LRP1B: variants seen among roughly 807,000 people sequenced by gnomAD.
LRP1B encodes LDL receptor related protein 1B.
In LRP1B, 217 loss-of-function variants were observed where a neutral mutation model predicts 556.6. The ratio of observed to expected loss-of-function variants is 0.39; its 90% CI spans 0.35 to 0.44. LRP1B has a LOEUF of 0.44. LRP1B is among the 20% of genes least tolerant of loss of function. The probability of loss-of-function intolerance (pLI) is 1.00; values close to 1 mark genes in which losing one functional copy is unlikely to be tolerated. For missense variants in LRP1B, 5,053 were observed against 5,620.8 expected (o/e 0.90, Z 3.23); for synonymous variants, 2,047 against 1,865.8 (o/e 1.10, Z -2.50).
intron 32 of LRP1B, among the ~76,000 whole-genome samples, chr2:140,808,848 T>G (rs1464222818): frequency 6.6e-6 from 1 of 152,222 alleles, no homozygotes; most frequent in Admixed American, 6.5e-5. Context: ...AATTTTTATT[T>G]ACCCCAGGCA....
chr2:140,877,986 T>C (rs1693361844), intron 25 of LRP1B, among the ~76,000 whole-genome samples: 1 of 152,178 alleles, frequency 6.6e-6, no homozygotes, highest in Non-Finnish European at 1.5e-5. Flanking sequence ...TTAATTTTAG[T>C]TTCAAGGCTT....
At chr2:142,004,460 A>G (rs749424403) in intron 1 of LRP1B, among the ~76,000 whole-genome samples, 12 of 151,852 alleles carry the variant, frequency 7.9e-5, no homozygotes, top group African/African-American at 1.2e-4. Flanking sequence ...AATATATACT[A>G]CATATGTAAT....
chr2:141,292,542 T>C (rs998810479), intron 3 of LRP1B, among the ~76,000 whole-genome samples: 16 of 152,270 alleles, frequency 1.1e-4, no homozygotes, highest in Non-Finnish European at 2.1e-4. Flanking sequence ...TTGACAAATA[T>C]ACCTCAGCCG....
chr2:140,792,712 A>ATATTTCAAGTCTAACCAGG (rs1690166575), intron 32 of LRP1B, among the ~76,000 whole-genome samples: 2 of 152,190 alleles, frequency 1.3e-5, no homozygotes, highest in African/African-American at 4.8e-5. Flanking sequence ...GTTTCTCTAG[A>ATATTTCAAGTCTAACCAGG]TATTTCAAGT....
At chr2:140,869,291 G>A (rs535009942) in intron 25 of LRP1B, among the ~76,000 whole-genome samples, 222 of 152,158 alleles carry the variant, frequency 1.5e-3, no homozygotes, top group Non-Finnish European at 2.1e-3. Context: ...TTGGTCATGG[G>A]ACAAGAGCCT....
At chr2:141,198,496 A>G (rs1266942426) in intron 6 of LRP1B, among the ~76,000 whole-genome samples, 2 of 152,156 alleles carry the variant, frequency 1.3e-5, no homozygotes, top group African/African-American at 4.8e-5. Context: ...GAACCTGTGC[A>G]TGTCTTTCTT....
chr2:141,083,819 C>T (rs1298114855), intron 7 of LRP1B, among the ~76,000 whole-genome samples: 2 of 152,096 alleles, frequency 1.3e-5, no homozygotes, highest in Admixed American at 6.5e-5. Context: ...GGCAAGAGGG[C>T]CCTCACCAGA....
At chr2:141,697,941 T>C (rs1558811587) in intron 2 of LRP1B, among the ~76,000 whole-genome samples, 1 of 151,940 alleles carries the variant, frequency 6.6e-6, no homozygotes, top group Non-Finnish European at 1.5e-5. Flanking sequence ...ACGGTGCTTC[T>C]ACCCTCATTA....
Position 140,581,471 on chromosome 2 carries a change from G to T in LRP1B, c.7194+17160C>A, listed in dbSNP as rs562066780. 4.6e-5 allele frequency among the ~76,000 whole-genome samples: 7 copies of T among 151,916 alleles called. No homozygotes were observed. The East Asian group carries it at 1.4e-3, about 29-fold the overall frequency. ...ATAGAGAAGCACAACATAAGCTCTT[G>T]CCTCAGGCTTTGTTATTTTTTTTTT... On this transcript the variant is annotated intron_variant, in intron 43 of 90. Coordinates refer to ENST00000389484, the MANE Select transcript of LRP1B (RefSeq NM_018557.3).
intron 59 of LRP1B, among the ~76,000 whole-genome samples, chr2:140,477,314 G>T (rs1344845288): frequency 6.6e-6 from 1 of 151,952 alleles, no homozygotes; most frequent in Non-Finnish European, 1.5e-5. Flanking sequence ...TGTTAGATAT[G>T]ATTAAATTTA....
chr2:140,441,591 T>C (rs1295475019), intron 66 of LRP1B, among the ~76,000 whole-genome samples: 1 of 152,142 alleles, frequency 6.6e-6, no homozygotes, highest in East Asian at 1.9e-4. Flanking sequence ...TAAATGAAAT[T>C]TCAGAGCACT....
At chr2:140,828,477 C>T (rs1347021452) in intron 31 of LRP1B, among the ~76,000 whole-genome samples, 9 of 148,368 alleles carry the variant, frequency 6.1e-5, no homozygotes, top group African/African-American at 7.5e-5. Flanking sequence ...GGCGTGGTAG[C>T]GGGCGCCTGT....
At chr2:141,938,009 C>T (rs552514166) in intron 1 of LRP1B, among the ~76,000 whole-genome samples, 4 of 152,056 alleles carry the variant, frequency 2.6e-5, no homozygotes, top group South Asian at 4.2e-4. Flanking sequence ...GTGTGTTTCT[C>T]GGGTTTTATG....
At chr2:140,423,758 A>G (rs1318473794) in intron 66 of LRP1B, among the ~76,000 whole-genome samples, 1 of 152,120 alleles carries the variant, frequency 6.6e-6, no homozygotes, top group Non-Finnish European at 1.5e-5. Flanking sequence ...AAATATTCCT[A>G]GTATGTACCT....
Position 142,121,938 on chromosome 2 carries a change from A to T in LRP1B, c.82+8710T>A, listed in dbSNP as rs114985270. On this transcript the variant is annotated intron_variant, in intron 1 of 90. Transcript: ENST00000389484. ...GAATGAAAAGCGAAGGTATGCTGAA[A>T]ATGTAAAGAGCTTCTTGCTATTAGT... Among the ~76,000 whole-genome samples the T allele has an allele frequency of 6.2e-3, 949 of 152,262 alleles. 7 individuals carry two copies. The highest frequency in any genetic ancestry group is 0.022 in the African/African-American group (900 of 41,566).
Position 140,373,105 on chromosome 2 carries a change from C to A in LRP1B, c.10671G>T (p.Gln3557His), listed in dbSNP as rs1270968518. Residue 3557 changes from glutamine (Q) to histidine (H), a missense_variant, in exon 69 of 91, where the codon CAG becomes CAT. Around this residue, in one of 5 missense-constraint regions of LRP1B, gnomAD observed 599 missense variants for 648.4 expected, o/e 0.92. Transcript: ENST00000389484. ...RNCETSCSKD[Q>H]FRCSNGQCIP... ...TACACTGACCATTGGAACACCGGAA[C>A]TGATCTTTGGAACAACTTGTCTCAC... 1 of 1,613,256 alleles carries A rather than the reference C, an allele frequency of 6.2e-7. No homozygotes were observed. Among genetic ancestry groups the A allele is most frequent in the Non-Finnish European group, 8.5e-7 (1 of 1,179,534 alleles).
chr2:141,282,576 C>A (rs1685550946), intron 3 of LRP1B, among the ~76,000 whole-genome samples: 1 of 150,644 alleles, frequency 6.6e-6, no homozygotes, highest in African/African-American at 2.4e-5. Context: ...ATAGGTTAGT[C>A]TTCCAGGAGA....
intron 1 of LRP1B, among the ~76,000 whole-genome samples, chr2:141,975,359 AG>A (rs2105083907): frequency 6.6e-6 from 1 of 152,154 alleles, no homozygotes; most frequent in Non-Finnish European, 1.5e-5. Flanking sequence ...GATAATTCTG[AG>A]GGTGTCCTTA....
chr2:141,378,470 T>C (rs1209880484), intron 3 of LRP1B, among the ~76,000 whole-genome samples: 1 of 151,452 alleles, frequency 6.6e-6, no homozygotes, highest in Non-Finnish European at 1.5e-5. Context: ...AGGCCAGGAG[T>C]TCAAGACCAG....
Sources: gnomAD v4.1 joint callset for allele counts (sites outside exome capture counted in the v4.1 genomes callset) on GRCh38, gnomAD v4.1.1 for gene constraint, gnomAD v4.1.1 regional missense constraint, MANE v1.5 for transcripts, NCBI Gene and HGNC (gene_info 2026-07-23, HGNC 2026-07-21) for gene names.